Variants in ATRNL1 observed in about 807,000 individuals in gnomAD.
ATRNL1 encodes attractin like 1.
In ATRNL1, 95 loss-of-function variants were observed where a neutral mutation model predicts 182.7. The ratio of observed to expected loss-of-function variants is 0.52; its 90% CI spans 0.44 to 0.62. ATRNL1 has a LOEUF of 0.62. Among genes scored for constraint, ATRNL1 ranks in the 20% least tolerant of loss-of-function variants. The pLI is 0.00. For synonymous variants in ATRNL1, 576 were observed against 568.3 expected, an observed-to-expected ratio of 1.01 and a Z score of -0.19; for missense variants, 1,471 against 1,679.5, an observed-to-expected ratio of 0.88 and a Z score of 2.17.
intron 26 of ATRNL1, among the ~76,000 whole-genome samples, chr10:115,595,345 A>G (rs575518147): frequency 1.3e-5 from 2 of 152,176 alleles, no homozygotes; most frequent in Non-Finnish European, 2.9e-5. Context: ...ACTGGAAAAT[A>G]TCAAGCACAC....
At chr10:115,588,119 G>T (rs1241072127) in intron 26 of ATRNL1, among the ~76,000 whole-genome samples, 1 of 152,064 alleles carries the variant, frequency 6.6e-6, no homozygotes, top group African/African-American at 2.4e-5. Flanking sequence ...TGAAGAGACA[G>T]TACTGTTGAA....
chr10:115,879,264 GC>G (rs1348717163), intron 28 of ATRNL1, among the ~76,000 whole-genome samples: 1 of 137,846 alleles, frequency 7.3e-6, no homozygotes, highest in African/African-American at 2.7e-5. Flanking sequence ...CCATGATCGT[GC>G]CACTGCAGTC....
intron 26 of ATRNL1, among the ~76,000 whole-genome samples, chr10:115,651,050 A>G (rs1310002260): frequency 2.0e-5 from 3 of 152,278 alleles, no homozygotes; most frequent in African/African-American, 7.2e-5. Flanking sequence ...ATGAGAGTCA[A>G]TTTGAATGTT....
chr10:115,379,244 A>G (rs1442978672), intron 19 of ATRNL1, among the ~76,000 whole-genome samples: 1 of 152,210 alleles, frequency 6.6e-6, no homozygotes, highest in East Asian at 1.9e-4. Flanking sequence ...ATGCCTTCAT[A>G]GGTGCTGGTT....
chr10:115,543,985 T>C (rs1554992860), intron 25 of ATRNL1, among the ~76,000 whole-genome samples: 2 of 152,206 alleles, frequency 1.3e-5, no homozygotes, highest in African/African-American at 4.8e-5. Flanking sequence ...TTTGATATTA[T>C]TATCGTACAG....
intron 19 of ATRNL1, among the ~76,000 whole-genome samples, chr10:115,366,472 A>G (rs1337391127): frequency 6.6e-6 from 1 of 152,166 alleles, no homozygotes; most frequent in Middle Eastern, 3.4e-3. Context: ...CTCTTTATCC[A>G]ATTTGCCAGT....
At chr10:115,700,455 A>G (rs143834494) in intron 26 of ATRNL1, among the ~76,000 whole-genome samples, 140 of 152,146 alleles carry the variant, frequency 9.2e-4, no homozygotes, top group African/African-American at 3.2e-3. Flanking sequence ...GAGTGATATG[A>G]AGCATTTTTT....
intron 28 of ATRNL1, among the ~76,000 whole-genome samples, chr10:115,944,255 T>TTTTTTTTTTTTTTTG (rs1555124893): frequency 7.2e-6 from 1 of 138,028 alleles, no homozygotes; most frequent in Non-Finnish European, 1.6e-5. Flanking sequence ...GAAATGTTTT[T>TTTTTTTTTTTTTTTG]AAAAATCTTA....
chr10:115,842,325 T>C (rs1008356998), intron 27 of ATRNL1, among the ~76,000 whole-genome samples: 1 of 152,104 alleles, frequency 6.6e-6, no homozygotes. Context: ...AAATGTTCTT[T>C]AAAAATTAGA....
chr10:115,179,379 C>A (rs1316557373), intron 8 of ATRNL1, among the ~76,000 whole-genome samples: 1 of 151,940 alleles, frequency 6.6e-6, no homozygotes, highest in Non-Finnish European at 1.5e-5. Flanking sequence ...AGTTGTGTTG[C>A]TTTATTGAAG....
At chr10:115,374,082 G>T (rs1490967971) in intron 19 of ATRNL1, among the ~76,000 whole-genome samples, 1 of 151,540 alleles carries the variant, frequency 6.6e-6, no homozygotes, top group Non-Finnish European at 1.5e-5. Context: ...ATTTCTTCAT[G>T]ATTCAGTTTT....
At chr10:115,186,256 G>C (rs1287703352) in intron 8 of ATRNL1, among the ~76,000 whole-genome samples, 2 of 152,042 alleles carry the variant, frequency 1.3e-5, no homozygotes, top group Non-Finnish European at 2.9e-5. Context: ...ATACATTATT[G>C]GTGGGAATGT....
At chr10:115,926,835 A>G (rs1024597748) in intron 28 of ATRNL1, among the ~76,000 whole-genome samples, 30 of 152,160 alleles carry the variant, frequency 2.0e-4, no homozygotes, top group Admixed American at 1.6e-3. Flanking sequence ...CAGAGGTACA[A>G]AGAGGGTTTC....
chr10:115,943,802 G>A (rs1047806301), intron 28 of ATRNL1, among the ~76,000 whole-genome samples: 3 of 152,118 alleles, frequency 2.0e-5, no homozygotes, highest in East Asian at 1.9e-4. Context: ...TAGTGAATGC[G>A]TAAACAAACT....
Position 115,093,730 on chromosome 10 carries a change from C to A in ATRNL1, c.-21C>A. 1 of 1,412,116 alleles carries A rather than the reference C, an allele frequency of 7.1e-7. No individual in the cohort carries two copies. Among genetic ancestry groups the A allele is most frequent in the Admixed American group, 3.1e-5 (1 of 32,440 alleles). 87.5% of individuals were successfully genotyped at this position (1,412,116 alleles called of 1,614,324 possible). On this transcript the variant is annotated 5_prime_UTR_variant, in exon 1 of 29. Transcript: ENST00000355044. This position sits in a 1 kb window ranked among gnomAD's most constrained non-coding sequence, Gnocchi z 6.1. ...TCGGCGCCCGCGAGCGCAGTCTCGC[C>A]GGGCAGGGGCGCCGGGGAAGATGGA...
chr10:115,445,506 CGTGTGTGTGTGTGTGTGTGT>C (rs57237450), intron 21 of ATRNL1, among the ~76,000 whole-genome samples: 15 of 119,256 alleles, frequency 1.3e-4, no homozygotes, highest in African/African-American at 1.9e-4. Context: ...CTCATTTGTC[CGTGTGTGTGTGTGTGTGTGT>C]GTGTGTGTGT....
intron 24 of ATRNL1, among the ~76,000 whole-genome samples, chr10:115,471,738 G>C (rs1158511065): frequency 6.6e-6 from 1 of 150,806 alleles, no homozygotes; most frequent in Non-Finnish European, 1.5e-5. Flanking sequence ...ACATATTTTG[G>C]ATATTAACTT....
chr10:115,721,930 A>G (rs1947439383), intron 26 of ATRNL1, among the ~76,000 whole-genome samples: 1 of 152,204 alleles, frequency 6.6e-6, no homozygotes, highest in African/African-American at 2.4e-5. Flanking sequence ...CAAATAACTG[A>G]ACAACCTACC....
At chr10:115,696,219 T>C (rs1946555010) in intron 26 of ATRNL1, among the ~76,000 whole-genome samples, 2 of 152,216 alleles carry the variant, frequency 1.3e-5, no homozygotes, top group African/African-American at 4.8e-5. Context: ...CTTTATCCAG[T>C]CTAGCATTGA....
Sources: allele counts gnomAD v4.1 joint callset (sites outside exome capture counted in the v4.1 genomes callset), GRCh38; gene constraint gnomAD v4.1.1; non-coding constraint Gnocchi (gnomAD v3.1); transcripts MANE v1.5; gene names NCBI Gene and HGNC (gene_info 2026-07-23, HGNC 2026-07-21).